The following RIMBP2 variants were observed in gnomAD, a reference collection of about 807,000 sequenced individuals.
RIMBP2 encodes RIMS binding protein 2.
A neutral mutation model predicts 118.6 loss-of-function variants in RIMBP2; 48 were observed. That is an observed-to-expected ratio of 0.40 (90% CI 0.32 to 0.51). The LOEUF (loss-of-function observed/expected upper bound fraction) is 0.51. RIMBP2 is among the 20% of genes least tolerant of loss of function. The pLI is 0.41. For missense variants in RIMBP2, 1,551 were observed against 1,768.3 expected (o/e 0.88, Z 2.20); for synonymous variants, 762 against 742.9 (o/e 1.03, Z -0.42).
At chr12:130,552,614 T>C (rs1593768504) in intron 2 of RIMBP2, among the ~76,000 whole-genome samples, 2 of 152,226 alleles carry the variant, frequency 1.3e-5, no homozygotes, top group African/African-American at 4.8e-5. Context: ...TAGAAATTCA[T>C]GCAGCAAGGT....
rs552690233 is a variant in RIMBP2 at position 130,512,857 on chromosome 12, AT to A, written c.-127+4970del. Among the ~76,000 whole-genome samples, 10 of 152,186 alleles carry A rather than the reference AT, an allele frequency of 6.6e-5. No homozygotes were observed. The East Asian group carries it at 1.7e-3, about 26-fold the overall frequency. The stretch of plus-strand genomic sequence containing the variant: ...ATGAACAACAGTTCCCTCTTATGCG[AT>A]TTTTTTTAGAGAATAATATTCAGCT... On this transcript the variant is annotated intron_variant, in intron 3 of 22. Transcript: ENST00000690449.
In RIMBP2 at chr12:130,582,738, G is replaced by A. The variant is rs182619488; in HGVS notation, c.-217+45584C>T. 1.5e-3 allele frequency among the ~76,000 whole-genome samples: 233 copies of A among 152,308 alleles called. 1 individual carries two copies. Among genetic ancestry groups the A allele is most frequent in the Non-Finnish European group, 2.1e-3 (141 of 68,016 alleles). On this transcript the variant is annotated intron_variant, in intron 2 of 22. Transcript: ENST00000690449. ...CTGCTGAATCAGAAACTGGAGGAGG[G>A]GCCCAGCCCTCTGTCTTTCAAGCCT... is the stretch of plus-strand genomic sequence containing the variant.
At chr12:130,611,199 C>A (rs944917266) in intron 2 of RIMBP2, among the ~76,000 whole-genome samples, 2 of 152,192 alleles carry the variant, frequency 1.3e-5, no homozygotes, top group African/African-American at 2.4e-5. Context: ...CCACAGGGAC[C>A]GGGAACCGCC....
intron 19 of RIMBP2, 50 bp downstream of exon 19, chr12:130,412,569 T>G (rs745823679): frequency 4.5e-6 from 7 of 1,560,272 alleles, no homozygotes; most frequent in Non-Finnish European, 6.1e-6. Context: ...GCGGCAGGTG[T>G]TTTGTGGGAT....
chr12:130,650,957 T>TA (rs1346691383), intron 1 of RIMBP2, among the ~76,000 whole-genome samples: 54 of 130,484 alleles, frequency 4.1e-4, no homozygotes, highest in African/African-American at 5.7e-4. Flanking sequence ...CTTGTTTTTT[T>TA]TAAAAAAAAA....
chr12:130,487,527 G>A (rs2082590663), intron 4 of RIMBP2, among the ~76,000 whole-genome samples: 1 of 152,234 alleles, frequency 6.6e-6, no homozygotes, highest in African/African-American at 2.4e-5. Context: ...ACCAGAAGCT[G>A]AGCAGATGCT....
intron 2 of RIMBP2, among the ~76,000 whole-genome samples, chr12:130,612,535 G>T (rs113505178): frequency 6.6e-6 from 1 of 152,184 alleles, no homozygotes; most frequent in Non-Finnish European, 1.5e-5. Context: ...GGGGTATTCT[G>T]TACAGCAACC....
At chr12:130,504,487 G>A (rs1365605775) in intron 4 of RIMBP2, among the ~76,000 whole-genome samples, 2 of 152,102 alleles carry the variant, frequency 1.3e-5, no homozygotes, top group African/African-American at 4.8e-5. Flanking sequence ...GGTCAGAAAG[G>A]AGGGAAGATG....
At chr12:130,632,534 T>G (rs1162056683) in intron 1 of RIMBP2, among the ~76,000 whole-genome samples, 1 of 152,302 alleles carries the variant, frequency 6.6e-6, no homozygotes, top group Middle Eastern at 3.4e-3. Context: ...CTTCCTGGGC[T>G]GCCGGGATGT....
At chr12:130,685,098 A>G (rs1425981214) in intron 1 of RIMBP2, among the ~76,000 whole-genome samples, 1 of 152,102 alleles carries the variant, frequency 6.6e-6, no homozygotes, top group Non-Finnish European at 1.5e-5. Flanking sequence ...AGCTCCTGCA[A>G]CCTTCCTAAA....
intron 1 of RIMBP2, among the ~76,000 whole-genome samples, chr12:130,706,858 A>G (rs1175809871): frequency 7.2e-5 from 11 of 152,188 alleles, no homozygotes; most frequent in Admixed American, 6.5e-4. Context: ...CAGTGGTCCC[A>G]AATGCCGCAG....
intron 15 of RIMBP2, chr12:130,425,506 T>A (rs1016103327): frequency 6.6e-6 from 1 of 152,332 alleles, no homozygotes; most frequent in Non-Finnish European, 1.5e-5. Context: ...AGGACTGGGG[T>A]CCGCCTGTCT....
At chr12:130,686,417 C>G (rs1251894062) in intron 1 of RIMBP2, among the ~76,000 whole-genome samples, 1 of 152,224 alleles carries the variant, frequency 6.6e-6, no homozygotes, top group Non-Finnish European at 1.5e-5. Flanking sequence ...GAAGCGCGGC[C>G]CAGACAGAAA....
In RIMBP2 at chr12:130,459,786, G is replaced by T. The variant is rs148496120; in HGVS notation, c.154-3086C>A. On this transcript the variant is annotated intron_variant, in intron 6 of 22. Transcript: ENST00000690449. ...ACTCCCAGAAATGACGGGGGGTGGG[G>T]GGCCAAGGACGAGGGTGAGCCGAGC... Among the ~76,000 whole-genome samples, 1,466 of 152,146 alleles carry T rather than the reference G, an allele frequency of 9.6e-3. 21 individuals carry two copies. Among genetic ancestry groups the T allele is most frequent in the Non-Finnish European group, 0.012 (810 of 67,988 alleles).
chr12:130,514,084 G>A (rs1307769145), intron 3 of RIMBP2, among the ~76,000 whole-genome samples: 1 of 152,186 alleles, frequency 6.6e-6, no homozygotes, highest in Non-Finnish European at 1.5e-5. Flanking sequence ...CTCCCTCAAT[G>A]CCTCCCATGC....
At chr12:130,598,443 T>C (rs996341668) in intron 2 of RIMBP2, among the ~76,000 whole-genome samples, 1 of 152,060 alleles carries the variant, frequency 6.6e-6, no homozygotes, top group African/African-American at 2.4e-5. Flanking sequence ...AAAAACAAAA[T>C]TGGAGCCAAG....
At chr12:130,495,440 C>CT (rs397956745) in intron 4 of RIMBP2, among the ~76,000 whole-genome samples, 1 of 152,094 alleles carries the variant, frequency 6.6e-6, no homozygotes, top group African/African-American at 2.4e-5. Flanking sequence ...GTGTCACCCC[C>CT]TAACAGACAT....
At chr12:130,435,641 A>G (rs549971418) in intron 13 of RIMBP2, among the ~76,000 whole-genome samples, 1 of 152,282 alleles carries the variant, frequency 6.6e-6, no homozygotes, top group African/African-American at 2.4e-5. Context: ...CTGTGAACCA[A>G]TCAGAGCCAT....
intron 18 of RIMBP2, among the ~76,000 whole-genome samples, chr12:130,413,601 C>T (rs1480105013): frequency 7.2e-6 from 1 of 139,204 alleles, no homozygotes; most frequent in Non-Finnish European, 1.5e-5. Context: ...CCACTGTACT[C>T]CAGCCTGGGT....
Sources: allele counts gnomAD v4.1 joint callset (sites outside exome capture counted in the v4.1 genomes callset), GRCh38; gene constraint gnomAD v4.1.1; transcripts MANE v1.5; gene names NCBI Gene and HGNC (gene_info 2026-07-23, HGNC 2026-07-21).